NEDD4L: variants seen among roughly 807,000 people sequenced by gnomAD.
NEDD4L encodes E3 ubiquitin-protein ligase NEDD4-like.
A neutral mutation model predicts 148.9 loss-of-function variants in NEDD4L; 54 were observed. The ratio of observed to expected loss-of-function variants is 0.36; its 90% confidence interval spans 0.29 to 0.45. The LOEUF (loss-of-function observed/expected upper bound fraction) is 0.45. NEDD4L is among the 20% of genes least tolerant of loss of function. The pLI, the probability that NEDD4L is intolerant of heterozygous loss-of-function variation, is 1.00. For synonymous variants in NEDD4L, 433 were observed against 440.7 expected (o/e 0.98, Z 0.22); for missense variants, 856 against 1,233.8 (o/e 0.69, Z 4.59).
At chr18:58,109,536 C>T (rs1045641715) in intron 1 of NEDD4L, among the ~76,000 whole-genome samples, 1 of 149,642 alleles carries the variant, frequency 6.7e-6, no homozygotes, top group Non-Finnish European at 1.5e-5. Context: ...GGACAGATCA[C>T]ACAGGCTTTG....
intron 12 of NEDD4L, 102 bp from the exon 13 acceptor site, chr18:58,335,376 A>T: frequency 1.1e-6 from 1 of 929,560 alleles, no homozygotes. Context: ...TTCTGATCTC[A>T]CGTCACCTGC....
At chr18:58,112,528 G>A (rs1297712075) in intron 1 of NEDD4L, among the ~76,000 whole-genome samples, 1 of 152,016 alleles carries the variant, frequency 6.6e-6, no homozygotes, top group Non-Finnish European at 1.5e-5. Context: ...TCACTCTGAT[G>A]CCTAGGCTGG....
chr18:58,216,143 C>G (rs1299615436), intron 2 of NEDD4L, among the ~76,000 whole-genome samples: 2 of 152,178 alleles, frequency 1.3e-5, no homozygotes, highest in Non-Finnish European at 2.9e-5. Context: ...CAAAGACTCA[C>G]TGTGCCATTT....
chr18:58,096,351 A>T (rs1326814034), intron 1 of NEDD4L, among the ~76,000 whole-genome samples: 1 of 6,534 alleles, frequency 1.5e-4, no homozygotes, highest in Non-Finnish European at 4.1e-4. Flanking sequence ...TATTTTATTT[A>T]TTTTATTTTA....
At chr18:58,091,931 G>A (rs1396859387) in intron 1 of NEDD4L, among the ~76,000 whole-genome samples, 1 of 152,182 alleles carries the variant, frequency 6.6e-6, no homozygotes, top group African/African-American at 2.4e-5. Context: ...ACATGCCCTG[G>A]GAACTGTGTT....
Position 58,324,985 on chromosome 18 carries a change from T to C in NEDD4L, c.514-11T>C, listed in dbSNP as rs749420583. On this transcript the variant is annotated splice_polypyrimidine_tract_variant and intron_variant, in intron 8 of 30. Coordinates refer to ENST00000400345, the MANE Select transcript of NEDD4L (RefSeq NM_001144967.3). ...CAACCTCATAATCGTCCCTTTAACT[T>C]TATTCCGCAGCATGGATGGGAAGTT... is the stretch of plus-strand genomic sequence containing the variant. 9 of 1,610,762 alleles carry C rather than the reference T, an allele frequency of 5.6e-6. No homozygotes were observed. The East Asian group carries it at 1.3e-4, about 24-fold the overall frequency.
chr18:58,333,042 C>T (rs1274432805), intron 11 of NEDD4L, among the ~76,000 whole-genome samples: 2 of 151,830 alleles, frequency 1.3e-5, no homozygotes, highest in Admixed American at 6.6e-5. Context: ...TTTGGGAGGC[C>T]GAGGTGGGTG....
At chr18:58,365,420 G>A (rs1601738663) in intron 20 of NEDD4L, among the ~76,000 whole-genome samples, 1 of 152,190 alleles carries the variant, frequency 6.6e-6, no homozygotes. Flanking sequence ...TTTGCAGGAG[G>A]CAGTTGCCAC....
rs536817624 is a variant in NEDD4L, at chr18:58,162,955, T to G, written c.49-2833T>G. On this transcript the variant is annotated intron_variant, in intron 1 of 30. Transcript: ENST00000400345. ...GGCACACACCTGTAATCTCAGCTAC[T>G]TGGGAGGCTGACGCAGAAGAATCAC... Among the ~76,000 whole-genome samples the G allele has an allele frequency of 1.3e-4, 20 of 152,084 alleles. No individual in the cohort carries two copies. The South Asian group carries it at 3.5e-3, about 27-fold the overall frequency.
chr18:58,127,598 G>A (rs1331629779), intron 1 of NEDD4L, among the ~76,000 whole-genome samples: 2 of 151,824 alleles, frequency 1.3e-5, no homozygotes, highest in Non-Finnish European at 2.9e-5. Context: ...CCAGCACTTT[G>A]GGAGGCCGAG....
chr18:58,327,837 A>C (rs2059438762), intron 9 of NEDD4L, among the ~76,000 whole-genome samples: 1 of 152,120 alleles, frequency 6.6e-6, no homozygotes, highest in Non-Finnish European at 1.5e-5. Context: ...TATCTGTGAG[A>C]GTTTTCCCTG....
At chr18:58,265,552 A>G (rs1171740797) in intron 5 of NEDD4L, among the ~76,000 whole-genome samples, 2 of 151,982 alleles carry the variant, frequency 1.3e-5, no homozygotes, top group Non-Finnish European at 2.9e-5. Context: ...AACAGAGAGG[A>G]TGAAGCTTTC....
At chr18:58,138,759 G>C (rs774378022) in intron 1 of NEDD4L, among the ~76,000 whole-genome samples, 1 of 152,208 alleles carries the variant, frequency 6.6e-6, no homozygotes, top group African/African-American at 2.4e-5. Flanking sequence ...GAGAAAGCAA[G>C]CTCTGTTGTG....
At chr18:58,137,019 T>A (rs563156698) in intron 1 of NEDD4L, among the ~76,000 whole-genome samples, 1 of 152,366 alleles carries the variant, frequency 6.6e-6, no homozygotes, top group South Asian at 2.1e-4. Flanking sequence ...CCTGCCATTG[T>A]ATGTGTATCT....
intron 2 of NEDD4L, among the ~76,000 whole-genome samples, chr18:58,187,325 T>C (rs1179455431): frequency 6.6e-6 from 1 of 152,066 alleles, no homozygotes; most frequent in African/African-American, 2.4e-5. Flanking sequence ...GCTCACTGAA[T>C]CACTGAACCA....
rs113036226 is a variant in NEDD4L, at chr18:58,174,341, C to A, written c.122+8480C>A. Among the ~76,000 whole-genome samples, 1,311 of 152,148 alleles carry A rather than the reference C, an allele frequency of 8.6e-3. 16 individuals carry two copies. The highest frequency in any genetic ancestry group is 0.029 in the African/African-American group (1,188 of 41,494). On this transcript the variant is annotated intron_variant, in intron 2 of 30. Transcript: ENST00000400345. ...AAAGAATCAATCAGGAAAGGGTGGG[C>A]AGACAGGAACAGAAGTTCTCGCTCT...
At chr18:58,080,472 T>TG (rs1235754871) in intron 1 of NEDD4L, among the ~76,000 whole-genome samples, 1 of 152,242 alleles carries the variant, frequency 6.6e-6, no homozygotes, top group East Asian at 1.9e-4. Context: ...AGAGACTTTC[T>TG]GGTCTGGAAA....
intron 1 of NEDD4L, among the ~76,000 whole-genome samples, chr18:58,153,936 C>A (rs547471032): frequency 1.3e-5 from 2 of 152,142 alleles, no homozygotes. Context: ...CGTGAGTCAC[C>A]GCACCCGGCC....
At position 58,316,060 on chromosome 18, in the gene NEDD4L, C is replaced by G. The variant is rs773308533; in HGVS notation, c.348+28C>G. 1.3e-5 allele frequency: 21 copies of G among 1,584,264 alleles called. No homozygotes were observed. The East Asian group carries it at 4.7e-4, about 35-fold the overall frequency. On this transcript the variant is annotated intron_variant, in intron 6 of 30. Coordinates refer to ENST00000400345, the MANE Select transcript of NEDD4L (RefSeq NM_001144967.3). The stretch of plus-strand genomic sequence containing the variant: ...AAGGACAGTCTCATGTTTGATGCTT[C>G]GTGCTGGGGGCGGGGGTTTCTAATT...
Sources: gnomAD v4.1 joint callset for allele counts (sites outside exome capture counted in the v4.1 genomes callset) on GRCh38, gnomAD v4.1.1 for gene constraint, MANE v1.5 for transcripts, NCBI Gene and HGNC (gene_info 2026-07-23, HGNC 2026-07-21) for gene names.